Variants in ALYREF observed in about 807,000 individuals in gnomAD.
The protein encoded by ALYREF is THO complex subunit 4.
ALYREF carries 1 observed loss-of-function variant against 25.2 expected under a neutral mutation model. The ratio of observed to expected loss-of-function variants is 0.04; its 90% CI spans 0.01 to 0.19. The LOEUF is 0.19. Among genes scored for constraint, ALYREF ranks in the 10% least tolerant of loss-of-function variants. The probability of loss-of-function intolerance (pLI) is 1.00; values close to 1 mark genes in which losing one functional copy is unlikely to be tolerated. For missense variants in ALYREF, 328 were observed against 375.6 expected (o/e 0.87, Z 1.05); for synonymous variants, 193 against 153.5 (o/e 1.26, Z -1.90).
chr17:81,887,980 A>G lies in ALYREF; in HGVS notation c.*151T>C, dbSNP rs1050222640. 14 of 943,452 alleles carry G rather than the reference A, an allele frequency of 1.5e-5. No individual in the cohort carries two copies. The highest frequency in any genetic ancestry group is 2.3e-5 in the South Asian group (1 of 42,754). The allele number at this position is 943,452 out of a possible 1,614,324, so 58.4% of individuals were successfully genotyped here. A position where few individuals can be genotyped will look rare whatever the true frequency, so the allele number is the denominator to read the frequency against. ...AATTAAAAAAAAAAAAAAAGAAAAA[A>G]AAAAAACCTTTACATGAGTTTTTAA... On this transcript the variant is annotated 3_prime_UTR_variant, in exon 6 of 6. Transcript: ENST00000505490.
At position 81,888,368 on chromosome 17, in the gene ALYREF, C is replaced by T. The variant is rs1191958970; in HGVS notation, c.653G>A (p.Gly218Asp). The T allele has an allele frequency of 2.5e-6, 4 of 1,602,862 alleles. No homozygotes were observed. Among genetic ancestry groups the T allele is most frequent in the Admixed American group, 1.7e-5 (1 of 59,580 alleles). ...TRNRGAGGFG[G>D]GGGTRRGTRG... is the part of the protein sequence containing the mutation. The stretch of plus-strand genomic sequence containing the variant: ...GGTGCCTCTCCGGGTGCCTCCACCA[C>T]CACCAAAACCTCCAGCGCCACGGTT... Residue 218 changes from glycine (G) to aspartate (D), a missense_variant, in exon 5 of 6, where the codon GGT (glycine) becomes GAT (aspartate). Physicochemically the swap from Gly to Asp is moderately conservative, Grantham distance 94. Transcript: ENST00000505490. The surrounding 1 kb of genome is among the most constrained non-coding windows in gnomAD (Gnocchi z 5.8).
At chr17:81,891,233 C>T (rs921595845) in intron 1 of ALYREF, 90 bp downstream of exon 1, 36 of 1,041,992 alleles carry the variant, frequency 3.5e-5, no homozygotes, top group Non-Finnish European at 3.8e-5. Context: ...CTTATCCACC[C>T]GCCGGCCCGG....
Position 81,888,795 on chromosome 17 carries a change from G to A in ALYREF, c.539-212C>T, listed in dbSNP as rs1309883073. On this transcript the variant is annotated intron_variant, in intron 3 of 5. Transcript: ENST00000505490. The surrounding 1 kb of genome is among the most constrained non-coding windows in gnomAD (Gnocchi z 5.8). ...CACCTCCTCACTCCTTCTCAGTCCA[G>A]ACTAGGTGGGCTGCTCGCTGAGGTA... 5.8e-5 allele frequency: 83 copies of A among 1,430,642 alleles called. No individual in the cohort carries two copies. The highest frequency in any genetic ancestry group is 7.6e-5 in the Non-Finnish European group (83 of 1,094,828). The allele number at this position is 1,430,642 out of a possible 1,614,324, so 88.6% of individuals were successfully genotyped here.
chr17:81,888,198 T>C lies in ALYREF; in HGVS notation c.780+43A>G, dbSNP rs1272026293. The C allele has an allele frequency of 1.2e-6, 2 of 1,613,766 alleles. No individual in the cohort carries two copies. Among genetic ancestry groups the C allele is most frequent in the Non-Finnish European group, 1.7e-6 (2 of 1,179,974 alleles). ...CATTCACAGGCGGCCTGCTCCCCAC[T>C]GCGGCTTTGACCAGGCCCCCAGCTG... On this transcript the variant is annotated intron_variant, in intron 5 of 5. Coordinates refer to ENST00000505490, the MANE Select transcript of ALYREF (RefSeq NM_005782.4). The surrounding 1 kb of genome is among the most constrained non-coding windows in gnomAD (Gnocchi z 5.8).
rs370081168 is a variant in ALYREF at position 81,888,616 on chromosome 17, T to C, written c.539-33A>G. ...AAAGAATACGAGAAGGCACGTTCTA[T>C]TGAGAGGCTCTGAAACCCACCCAGC... On this transcript the variant is annotated intron_variant, in intron 3 of 5. Transcript: ENST00000505490. This position sits in a 1 kb window ranked among gnomAD's most constrained non-coding sequence, Gnocchi z 5.8. 5 of 1,570,416 alleles carry C rather than the reference T, an allele frequency of 3.2e-6. No homozygotes were observed. Among genetic ancestry groups the C allele is most frequent in the African/African-American group, 2.7e-5 (2 of 74,158 alleles).
chr17:81,888,694 T>C lies in ALYREF; in HGVS notation c.539-111A>G. 1 of 1,511,972 alleles carries C rather than the reference T, an allele frequency of 6.6e-7. No homozygotes were observed. Among genetic ancestry groups the C allele is most frequent in the Non-Finnish European group, 8.9e-7 (1 of 1,122,840 alleles). The allele number at this position is 1,511,972 out of a possible 1,614,324, so 93.7% of individuals were successfully genotyped here. On this transcript the variant is annotated intron_variant, in intron 3 of 5. Coordinates refer to ENST00000505490, the MANE Select transcript of ALYREF (RefSeq NM_005782.4). The surrounding 1 kb of genome is among the most constrained non-coding windows in gnomAD (Gnocchi z 5.8). ...ACACTGGAAAGGGCCTCTGTGCGTC[T>C]CAAATGCCCCCGACAAGGGAAATGG...
At position 81,888,007 on chromosome 17, in the gene ALYREF, T is replaced by G; in HGVS notation, c.*124A>C. 1 of 1,036,482 alleles carries G rather than the reference T, an allele frequency of 9.6e-7. No homozygotes were observed. Among genetic ancestry groups the G allele is most frequent in the Non-Finnish European group, 1.3e-6 (1 of 745,222 alleles). 64.2% of individuals were successfully genotyped at this position (1,036,482 alleles called of 1,614,324 possible). A position where few individuals can be genotyped will look rare whatever the true frequency, so the allele number is the denominator to read the frequency against. On this transcript the variant is annotated 3_prime_UTR_variant, in exon 6 of 6. Transcript: ENST00000505490. The surrounding 1 kb of genome is among the most constrained non-coding windows in gnomAD (Gnocchi z 5.8). ...AAAAACCTTTACATGAGTTTTTAAA[T>G]CCTATTTTAAAACATAAAAGAAACA...
rs1027049628 is a variant in ALYREF at position 81,888,699 on chromosome 17, T to C, written c.539-116A>G. 6.6e-7 allele frequency: 1 copy of C among 1,506,804 alleles called. No homozygotes were observed. The highest frequency in any genetic ancestry group is 8.9e-7 in the Non-Finnish European group (1 of 1,120,580). The allele number at this position is 1,506,804 out of a possible 1,614,324, so 93.3% of individuals were successfully genotyped here. Reference sequence around the variant, plus strand: ...GGAAAGGGCCTCTGTGCGTCTCAAATGCCCCCGACAAGGGAAATGGCCTGG... The same window carrying C: ...GGAAAGGGCCTCTGTGCGTCTCAAACGCCCCCGACAAGGGAAATGGCCTGG... On this transcript the variant is annotated intron_variant, in intron 3 of 5. Coordinates refer to ENST00000505490, the MANE Select transcript of ALYREF (RefSeq NM_005782.4). The surrounding 1 kb of genome is among the most constrained non-coding windows in gnomAD (Gnocchi z 5.8).
intron 2 of ALYREF, among the ~76,000 whole-genome samples, chr17:81,890,287 A>G (rs1190834722): frequency 6.6e-6 from 1 of 152,020 alleles, no homozygotes; most frequent in African/African-American, 2.4e-5. Flanking sequence ...AGAAAAACAG[A>G]CTCCCTGTGC....
At position 81,888,505 on chromosome 17, in the gene ALYREF, G is replaced by A; in HGVS notation, c.602+15C>T. 6.3e-7 allele frequency: 1 copy of A among 1,599,832 alleles called. No individual in the cohort carries two copies. Among genetic ancestry groups the A allele is most frequent in the Non-Finnish European group, 8.5e-7 (1 of 1,172,284 alleles). On this transcript the variant is annotated intron_variant, in intron 4 of 5. Transcript: ENST00000505490. The surrounding 1 kb of genome is among the most constrained non-coding windows in gnomAD (Gnocchi z 5.8). ...CCCTCGGCCAATCCCCTTCCCCAGA[G>A]GCCCCGGAAGTCACCTCTGTGCAGG...
Position 81,889,175 on chromosome 17 carries a change from G to C in ALYREF, c.538+7C>G. The C allele has an allele frequency of 6.2e-7, 1 of 1,613,840 alleles. No individual in the cohort carries two copies. The highest frequency in any genetic ancestry group is 8.5e-7 in the Non-Finnish European group (1 of 1,179,732). On this transcript the variant is annotated splice_region_variant and intron_variant, in intron 3 of 5. Transcript: ENST00000505490. The stretch of plus-strand genomic sequence containing the variant: ...CACAGTCAGCGTGGGTCCACCCCCA[G>C]ACTCACCATCCAGAGGGACGCCGTT...
intron 1 of ALYREF, 66 bp downstream of exon 1, chr17:81,891,257 G>A (rs1051479645): frequency 5.6e-6 from 6 of 1,069,622 alleles, no homozygotes; most frequent in Non-Finnish European, 6.8e-6. Context: ...TCCGCCGCGA[G>A]CGGCCCCGGC....
At position 81,888,486 on chromosome 17, in the gene ALYREF, G is replaced by A. The variant is rs575995221; in HGVS notation, c.602+34C>T. ...TAAGAGCGACGCAGCCTCACCCTCG[G>A]CCAATCCCCTTCCCCAGAGGCCCCG... On this transcript the variant is annotated intron_variant, in intron 4 of 5. Coordinates refer to ENST00000505490, the MANE Select transcript of ALYREF (RefSeq NM_005782.4). The surrounding 1 kb of genome is among the most constrained non-coding windows in gnomAD (Gnocchi z 5.8). 1.2e-6 allele frequency: 2 copies of A among 1,602,844 alleles called. No homozygotes were observed. Among genetic ancestry groups the A allele is most frequent in the East Asian group, 4.5e-5 (2 of 44,598 alleles).
chr17:81,890,588 TC>T, intron 2 of ALYREF, 100 bp downstream of exon 2: 1 of 1,527,238 alleles, frequency 6.5e-7, no homozygotes, highest in Non-Finnish European at 8.8e-7. Flanking sequence ...CTGGGAGGGC[TC>T]CCTTCGCTAA....
chr17:81,889,025 G>A (rs1407678671), intron 3 of ALYREF, 157 bp downstream of exon 3: 1 of 1,456,094 alleles, frequency 6.9e-7, no homozygotes, highest in Non-Finnish European at 9.1e-7. Context: ...GTCCAGATGT[G>A]TGGGGCAGCA....
chr17:81,891,135 G>T (rs892137189), intron 1 of ALYREF, 188 bp downstream of exon 1: 3 of 601,624 alleles, frequency 5.0e-6, no homozygotes, highest in African/African-American at 3.9e-5. Context: ...TCCGGGACCG[G>T]ACCCCGAAAG....
At position 81,888,693 on chromosome 17, in the gene ALYREF, C is replaced by A; in HGVS notation, c.539-110G>T. On this transcript the variant is annotated intron_variant, in intron 3 of 5. Transcript: ENST00000505490. This position sits in a 1 kb window ranked among gnomAD's most constrained non-coding sequence, Gnocchi z 5.8. ...AACACTGGAAAGGGCCTCTGTGCGT[C>A]TCAAATGCCCCCGACAAGGGAAATG... is the stretch of plus-strand genomic sequence containing the variant. 1 of 1,512,196 alleles carries A rather than the reference C, an allele frequency of 6.6e-7. No homozygotes were observed. The highest frequency in any genetic ancestry group is 1.4e-5 in the African/African-American group (1 of 72,264). 93.7% of individuals were successfully genotyped at this position (1,512,196 alleles called of 1,614,324 possible). A position where few individuals can be genotyped will look rare whatever the true frequency, so the allele number is the denominator to read the frequency against.
rs1205967474 is a variant in ALYREF at position 81,891,577 on chromosome 17, G to A, written c.4C>T (p.Pro2Ser). The stretch of plus-strand genomic sequence containing the variant: ...TCGGCCATGGCGGGCGCGGAATCGG[G>A]CATCGGCTCGAGCCCGCGCGTCAGC... M[P>S]DSAPAMADKM... The change falls in exon 1 of 6, where the codon CCC becomes TCC. Residue 2 changes from proline (P) to serine (S), a missense_variant. This residue lies in a region of ALYREF where 150 missense variants were observed against 135.3 expected (regional missense o/e 1.11). Transcript: ENST00000505490. 1.4e-6 allele frequency: 2 copies of A among 1,423,572 alleles called. No individual in the cohort carries two copies. Among genetic ancestry groups the A allele is most frequent in the South Asian group, 1.3e-5 (1 of 77,474 alleles). The allele number at this position is 1,423,572 out of a possible 1,614,324, so 88.2% of individuals were successfully genotyped here. A position where few individuals can be genotyped will look rare whatever the true frequency, so the allele number is the denominator to read the frequency against.
Position 81,888,837 on chromosome 17 carries a change from T to C in ALYREF, c.539-254A>G. Reference sequence around the variant, plus strand: ...GCTGAGGTATCGGGGTGCTCGTGGGTGGAGAGGTGTGGGTGACCTGACGAA... The same window carrying C: ...GCTGAGGTATCGGGGTGCTCGTGGGCGGAGAGGTGTGGGTGACCTGACGAA... On this transcript the variant is annotated intron_variant, in intron 3 of 5. Transcript: ENST00000505490. The surrounding 1 kb of genome is among the most constrained non-coding windows in gnomAD (Gnocchi z 5.8). 1 of 1,416,112 alleles carries C rather than the reference T, an allele frequency of 7.1e-7. No homozygotes were observed. Among genetic ancestry groups the C allele is most frequent in the South Asian group, 1.6e-5 (1 of 64,218 alleles). 87.7% of individuals were successfully genotyped at this position (1,416,112 alleles called of 1,614,324 possible). A position where few individuals can be genotyped will look rare whatever the true frequency, so the allele number is the denominator to read the frequency against.
Sources: gnomAD v4.1 joint callset for allele counts (sites outside exome capture counted in the v4.1 genomes callset) on GRCh38, gnomAD v4.1.1 for gene constraint, gnomAD v4.1.1 regional missense constraint, Gnocchi (gnomAD v3.1) non-coding constraint, MANE v1.5 for transcripts, NCBI Gene and HGNC (gene_info 2026-07-23, HGNC 2026-07-21) for gene names.